TANC1: variants seen among roughly 807,000 people sequenced by gnomAD.
TANC1 encodes the protein tetratricopeptide repeat, ankyrin repeat and coiled-coil containing 1, also known as protein TANC1.
Under a neutral mutation model 149.7 loss-of-function variants are expected in TANC1, and 77 were observed. The ratio of observed to expected loss-of-function variants is 0.51; its 90% CI spans 0.43 to 0.62. The LOEUF (loss-of-function observed/expected upper bound fraction) is 0.62. TANC1 is among the 20% of genes least tolerant of loss of function. The pLI is 0.00. For synonymous variants in TANC1, 854 were observed against 925.0 expected (o/e 0.92, Z 1.39); for missense variants, 1,985 against 2,321.8 (o/e 0.85, Z 2.98).
chr2:159,093,875 A>G (rs1341970363), intron 3 of TANC1, among the ~76,000 whole-genome samples: 1 of 152,196 alleles, frequency 6.6e-6, no homozygotes, highest in Non-Finnish European at 1.5e-5. Context: ...CACATTTGCA[A>G]TTAATGAAAA....
At chr2:159,220,016 G>GTGTGTGTC (rs777948312) in intron 22 of TANC1, 149 bp downstream of exon 22, 197 of 695,230 alleles carry the variant, frequency 2.8e-4, no homozygotes, top group South Asian at 4.1e-4. Context: ...GTGTGTGTGT[G>GTGTGTGTC]TGTGTCTTGT....
chr2:159,137,360 A>G (rs1316117360), intron 5 of TANC1, among the ~76,000 whole-genome samples: 1 of 152,176 alleles, frequency 6.6e-6, no homozygotes, highest in Non-Finnish European at 1.5e-5. Flanking sequence ...AAAACTGGGA[A>G]GGGAAGGGGA....
intron 4 of TANC1, among the ~76,000 whole-genome samples, chr2:159,101,103 A>G (rs1383538090): frequency 6.6e-6 from 1 of 152,116 alleles, no homozygotes; most frequent in East Asian, 1.9e-4. Flanking sequence ...TACCTTGATG[A>G]CTTTTGTTCT....
At chr2:159,049,071 G>A (rs983405433) in intron 2 of TANC1, among the ~76,000 whole-genome samples, 4 of 152,182 alleles carry the variant, frequency 2.6e-5, no homozygotes, top group African/African-American at 9.7e-5. Context: ...AAAAGGAAAT[G>A]CTCCTTTTTC....
intron 11 of TANC1, among the ~76,000 whole-genome samples, chr2:159,174,102 C>T (rs749735130): frequency 1.3e-5 from 2 of 152,190 alleles, no homozygotes; most frequent in Non-Finnish European, 2.9e-5. Context: ...GAGTGTTTTG[C>T]TCTTCTTTTC....
At chr2:159,029,222 C>T (rs2039593344) in intron 2 of TANC1, among the ~76,000 whole-genome samples, 1 of 152,148 alleles carries the variant, frequency 6.6e-6, no homozygotes, top group Non-Finnish European at 1.5e-5. Context: ...GTATATATCA[C>T]ATTTTGTTTA....
chr2:159,082,301 AC>A (rs2044356055), intron 3 of TANC1, among the ~76,000 whole-genome samples: 1 of 151,932 alleles, frequency 6.6e-6, no homozygotes, highest in South Asian at 2.1e-4. Flanking sequence ...CCAACCCTGT[AC>A]CGAGGGCTCC....
chr2:159,018,880 GA>G (rs2149413699), intron 2 of TANC1, among the ~76,000 whole-genome samples: 1 of 152,230 alleles, frequency 6.6e-6, no homozygotes, highest in Admixed American at 6.5e-5. Context: ...AAAAATAAAA[GA>G]AAGAATAAAA....
chr2:158,987,039 C>T (rs2035077097), intron 1 of TANC1, among the ~76,000 whole-genome samples: 1 of 140,386 alleles, frequency 7.1e-6, no homozygotes, highest in Non-Finnish European at 1.6e-5. Flanking sequence ...CCTGTCTCTA[C>T]TTAAAAAAAA....
chr2:159,187,428 G>C (rs760834506), intron 16 of TANC1, among the ~76,000 whole-genome samples: 1 of 152,186 alleles, frequency 6.6e-6, no homozygotes, highest in Non-Finnish European at 1.5e-5. Flanking sequence ...ATAGAGATAA[G>C]TACACAGAAA....
At chr2:159,090,271 G>GGAATGGAAA (rs1379362417) in intron 3 of TANC1, among the ~76,000 whole-genome samples, 1 of 152,122 alleles carries the variant, frequency 6.6e-6, no homozygotes, top group African/African-American at 2.4e-5. Flanking sequence ...ATGTACATTT[G>GGAATGGAAA]GAATGGAAAC....
chr2:159,080,441 T>C (rs561989539), intron 3 of TANC1, among the ~76,000 whole-genome samples: 5 of 152,324 alleles, frequency 3.3e-5, no homozygotes, highest in African/African-American at 1.2e-4. Context: ...TGGAGGCTTC[T>C]GCCCCGTACG....
Position 159,230,872 on chromosome 2 carries a change from G to A in TANC1, c.5446G>A (p.Glu1816Lys). 6.2e-7 allele frequency: 1 copy of A among 1,614,184 alleles called. No homozygotes were observed. Among genetic ancestry groups the A allele is most frequent in the Non-Finnish European group, 8.5e-7 (1 of 1,180,048 alleles). ...SKCQIPVHSQENRITKTVSHL... is the reference protein window; with the variant it reads ...SKCQIPVHSQKNRITKTVSHL... Reference sequence around the variant, plus strand: ...GTGCCAAATTCCAGTCCACTCTCAAGAGAACAGGATAACTAAGACTGTTTC... The same window carrying A: ...GTGCCAAATTCCAGTCCACTCTCAAAAGAACAGGATAACTAAGACTGTTTC... The change falls in exon 27 of 27, where the codon GAG becomes AAG. Residue 1816 changes from glutamate to lysine, a missense_variant. Transcript: ENST00000263635. This position sits in a 1 kb window ranked among gnomAD's most constrained non-coding sequence, Gnocchi z 4.4.
chr2:159,041,826 G>C (rs1235722159), intron 2 of TANC1, among the ~76,000 whole-genome samples: 1 of 152,176 alleles, frequency 6.6e-6, no homozygotes, highest in Non-Finnish European at 1.5e-5. Flanking sequence ...GATGAACCAG[G>C]CACCTCAGTT....
At chr2:159,096,293 ATTT>A (rs35914993) in intron 3 of TANC1, among the ~76,000 whole-genome samples, 5 of 130,728 alleles carry the variant, frequency 3.8e-5, no homozygotes, top group Admixed American at 7.7e-5. Flanking sequence ...GACTGGCTGT[ATTT>A]TTTTTTTTTT....
chr2:159,098,490 G>A (rs949758586), intron 4 of TANC1, among the ~76,000 whole-genome samples: 9 of 152,190 alleles, frequency 5.9e-5, no homozygotes, highest in Admixed American at 4.6e-4. Flanking sequence ...AAACTCATAC[G>A]TGGTGTGTTT....
chr2:159,003,969 C>T (rs1455066762), intron 2 of TANC1: 4 of 1,612,346 alleles, frequency 2.5e-6, no homozygotes, highest in Non-Finnish European at 3.4e-6. Context: ...CTTCAGAGTT[C>T]TCTAAAAAAA....
At chr2:159,107,029 TG>T in intron 4 of TANC1, among the ~76,000 whole-genome samples, 1 of 152,198 alleles carries the variant, frequency 6.6e-6, no homozygotes, top group Non-Finnish European at 1.5e-5. Context: ...TTTGTTTGTT[TG>T]TTTGTTTGTT....
At chr2:159,081,339 G>C (rs1189011240) in intron 3 of TANC1, among the ~76,000 whole-genome samples, 1 of 151,952 alleles carries the variant, frequency 6.6e-6, no homozygotes, top group East Asian at 1.9e-4. Context: ...AGATAGTCTA[G>C]GTGGGAAGGC....
Sources: gnomAD v4.1 joint callset for allele counts (sites outside exome capture counted in the v4.1 genomes callset) on GRCh38, gnomAD v4.1.1 for gene constraint, Gnocchi (gnomAD v3.1) non-coding constraint, MANE v1.5 for transcripts, NCBI Gene and HGNC (gene_info 2026-07-23, HGNC 2026-07-21) for gene names.